The following SORCS3 variants were observed in gnomAD, a reference collection of about 807,000 sequenced individuals.
SORCS3 encodes the protein VPS10 domain-containing receptor SorCS3.
A neutral mutation model predicts 146.3 loss-of-function variants in SORCS3; 57 were observed. That is an observed-to-expected ratio of 0.39 (90% confidence interval 0.31 to 0.49). The LOEUF (loss-of-function observed/expected upper bound fraction) is 0.49. Ranked by LOEUF, SORCS3 falls within the 20% of genes least tolerant of loss-of-function variation. The pLI is 0.92. For synonymous variants in SORCS3, 653 were observed against 618.5 expected (o/e 1.06, Z -0.83); for missense variants, 1,341 against 1,575.5 (o/e 0.85, Z 2.52).
intron 5 of SORCS3, among the ~76,000 whole-genome samples, chr10:105,080,457 T>C (rs918962903): frequency 6.6e-6 from 1 of 152,178 alleles, no homozygotes; most frequent in African/African-American, 2.4e-5. Flanking sequence ...GTCAGATGCA[T>C]AGTTTGCAAA....
chr10:104,840,889 G>A (rs747448907), intron 1 of SORCS3, among the ~76,000 whole-genome samples: 5 of 152,108 alleles, frequency 3.3e-5, no homozygotes, highest in Non-Finnish European at 7.3e-5. Context: ...AGCCTGAGGT[G>A]GTCATTCTGA....
chr10:104,892,188 G>T (rs1261303328), intron 2 of SORCS3, among the ~76,000 whole-genome samples: 2 of 152,168 alleles, frequency 1.3e-5, no homozygotes, highest in African/African-American at 4.8e-5. Flanking sequence ...AGGAAACCTA[G>T]ATTGTAAGTA....
At chr10:104,852,486 A>G (rs1299897178) in intron 2 of SORCS3, among the ~76,000 whole-genome samples, 2 of 152,196 alleles carry the variant, frequency 1.3e-5, no homozygotes, top group Non-Finnish European at 2.9e-5. Flanking sequence ...GAAATTTAAG[A>G]AAAGTCAGTT....
intron 3 of SORCS3, among the ~76,000 whole-genome samples, chr10:104,951,024 T>C (rs971156299): frequency 2.6e-5 from 4 of 152,258 alleles, no homozygotes; most frequent in African/African-American, 7.2e-5. Flanking sequence ...ATTATTCCTA[T>C]ACAGACCCTT....
intron 3 of SORCS3, among the ~76,000 whole-genome samples, chr10:104,976,490 G>A (rs2133648895): frequency 6.6e-6 from 1 of 152,256 alleles, no homozygotes; most frequent in East Asian, 1.9e-4. Flanking sequence ...AACCATTGTG[G>A]AAGTCAGTGT....
chr10:105,101,481 G>A (rs986698118), intron 6 of SORCS3, among the ~76,000 whole-genome samples: 5 of 152,132 alleles, frequency 3.3e-5, no homozygotes, highest in African/African-American at 1.2e-4. Flanking sequence ...CAGCTAAGAC[G>A]GCAAGGCCAC....
chr10:105,222,731 A>G (rs1397236278), intron 19 of SORCS3, among the ~76,000 whole-genome samples: 1 of 152,246 alleles, frequency 6.6e-6, no homozygotes, highest in East Asian at 1.9e-4. Flanking sequence ...AGAGCCTTCC[A>G]TACAATACAC....
At chr10:104,719,866 G>A (rs2016523880) in intron 1 of SORCS3, among the ~76,000 whole-genome samples, 1 of 152,108 alleles carries the variant, frequency 6.6e-6, no homozygotes, top group Non-Finnish European at 1.5e-5. Flanking sequence ...TGGGGTGAGG[G>A]GGAACAAATG....
At chr10:104,999,246 C>T (rs2055046236) in intron 4 of SORCS3, among the ~76,000 whole-genome samples, 2 of 152,050 alleles carry the variant, frequency 1.3e-5, no homozygotes, top group South Asian at 4.1e-4. Context: ...TCTACTTTTT[C>T]TTAACTGGTT....
At chr10:105,070,376 C>G (rs2055548908) in intron 5 of SORCS3, among the ~76,000 whole-genome samples, 1 of 152,168 alleles carries the variant, frequency 6.6e-6, no homozygotes, top group Non-Finnish European at 1.5e-5. Context: ...GATTTTATAC[C>G]ACCTCGGTGT....
intron 1 of SORCS3, among the ~76,000 whole-genome samples, chr10:104,673,023 C>T (rs1406278663): frequency 1.3e-5 from 2 of 152,066 alleles, no homozygotes; most frequent in Non-Finnish European, 2.9e-5. Context: ...CTCTTGTTTG[C>T]AACTTTTTTT....
chr10:104,701,300 T>C (rs1316880366), intron 1 of SORCS3, among the ~76,000 whole-genome samples: 1 of 152,222 alleles, frequency 6.6e-6, no homozygotes, highest in East Asian at 1.9e-4. Flanking sequence ...ATTTTCTCCA[T>C]TTGGCTGATA....
intron 14 of SORCS3, among the ~76,000 whole-genome samples, chr10:105,185,104 C>T (rs1013811501): frequency 3.3e-5 from 5 of 152,078 alleles, no homozygotes; most frequent in African/African-American, 1.2e-4. Flanking sequence ...AACATAATGT[C>T]CTCTTGGTTC....
At chr10:104,864,511 G>C (rs1387561077) in intron 2 of SORCS3, among the ~76,000 whole-genome samples, 1 of 152,124 alleles carries the variant, frequency 6.6e-6, no homozygotes, top group Non-Finnish European at 1.5e-5. Flanking sequence ...GTGGTACCTG[G>C]TTAACAAAGC....
At chr10:105,095,977 A>C (rs545004209) in intron 6 of SORCS3, among the ~76,000 whole-genome samples, 1 of 152,312 alleles carries the variant, frequency 6.6e-6, no homozygotes, top group South Asian at 2.1e-4. Context: ...CGCAAATATT[A>C]ATATAGAAAT....
At chr10:105,041,410 A>AATAT (rs368758574) in intron 4 of SORCS3, among the ~76,000 whole-genome samples, 1 of 144,340 alleles carries the variant, frequency 6.9e-6, no homozygotes, top group African/African-American at 2.5e-5. Flanking sequence ...GATTAAAAAA[A>AATAT]ATATATATAT....
At chr10:104,734,537 C>T (rs1039352079) in intron 1 of SORCS3, among the ~76,000 whole-genome samples, 31 of 152,236 alleles carry the variant, frequency 2.0e-4, no homozygotes, top group Admixed American at 1.2e-3. Context: ...AGAGCACAGA[C>T]GACACTGTGC....
chr10:104,657,598 G>C (rs547518401), intron 1 of SORCS3, among the ~76,000 whole-genome samples: 2 of 152,284 alleles, frequency 1.3e-5, no homozygotes, highest in Non-Finnish European at 2.9e-5. Context: ...CAGATTTATA[G>C]TCCAAAAGAA....
rs554383499 is a variant in SORCS3, at chr10:105,193,277, T to C, written c.2010-6722T>C. Among the ~76,000 whole-genome samples, 3 of 152,274 alleles carry C rather than the reference T, an allele frequency of 2.0e-5. No individual in the cohort carries two copies. In the South Asian group the frequency reaches 6.2e-4, roughly 32 times the overall value. ...ACTTGCCTGAGATTGTTTCTGTCCT[T>C]CTATATTCCAAATGATACACAACTC... On this transcript the variant is annotated intron_variant, in intron 14 of 26. Coordinates refer to ENST00000369701, the MANE Select transcript of SORCS3 (RefSeq NM_014978.3).
Sources: gnomAD v4.1 joint callset for allele counts (sites outside exome capture counted in the v4.1 genomes callset) on GRCh38, gnomAD v4.1.1 for gene constraint, MANE v1.5 for transcripts, NCBI Gene and HGNC (gene_info 2026-07-23, HGNC 2026-07-21) for gene names.